The following GABRB3 variants were observed in gnomAD, a reference collection of about 807,000 sequenced individuals.
The protein encoded by GABRB3 is gamma-aminobutyric acid type A receptor subunit beta3.
A neutral mutation model predicts 52.1 loss-of-function variants in GABRB3; 14 were observed. The observed-to-expected ratio is 0.27, with a 90% CI of 0.18 to 0.42. GABRB3 has a LOEUF of 0.42. GABRB3 is among the 10% of genes least tolerant of loss of function. The pLI, the probability that GABRB3 is intolerant of heterozygous loss-of-function variation, is 1.00. For synonymous variants in GABRB3, 260 were observed against 232.3 expected, an observed-to-expected ratio of 1.12 and a Z score of -1.08; for missense variants, 307 against 609.1, an observed-to-expected ratio of 0.50 and a Z score of 5.22.
At chr15:26,724,142 C>T (rs775896870) in intron 3 of GABRB3, among the ~76,000 whole-genome samples, 9 of 152,196 alleles carry the variant, frequency 5.9e-5, no homozygotes, top group Non-Finnish European at 1.2e-4. Flanking sequence ...CAACACTCTT[C>T]TGCCAGGGAA....
chr15:26,701,885 G>C (rs1424816058), intron 3 of GABRB3, among the ~76,000 whole-genome samples: 1 of 152,168 alleles, frequency 6.6e-6, no homozygotes, highest in East Asian at 1.9e-4. Context: ...ACTATACATG[G>C]AGAGATCAAT....
chr15:26,691,366 T>C (rs1301865351), intron 3 of GABRB3, among the ~76,000 whole-genome samples: 2 of 152,042 alleles, frequency 1.3e-5, no homozygotes, highest in East Asian at 1.9e-4. Flanking sequence ...GCCTGAACAA[T>C]AGAAAGTAAA....
At chr15:26,631,268 A>G (rs148019455) in intron 3 of GABRB3, among the ~76,000 whole-genome samples, 2 of 152,378 alleles carry the variant, frequency 1.3e-5, no homozygotes, top group African/African-American at 4.8e-5. Flanking sequence ...CAGGCAGCTC[A>G]GATGAATTGC....
chr15:26,552,147 A>G (rs1889495970), intron 8 of GABRB3, among the ~76,000 whole-genome samples: 1 of 152,074 alleles, frequency 6.6e-6, no homozygotes, highest in South Asian at 2.1e-4. Context: ...AGCTGGGATT[A>G]CAGGCATGTG....
At chr15:26,670,170 A>G (rs747045300) in intron 3 of GABRB3, among the ~76,000 whole-genome samples, 16 of 152,154 alleles carry the variant, frequency 1.1e-4, no homozygotes, top group Non-Finnish European at 2.2e-4. Flanking sequence ...CTACGCCCCA[A>G]CGCGGGCTCA....
intron 3 of GABRB3, among the ~76,000 whole-genome samples, chr15:26,713,681 C>G (rs572377310): frequency 7.9e-4 from 121 of 152,328 alleles, no homozygotes; most frequent in African/African-American, 2.7e-3. Context: ...GGCCGCAACA[C>G]GCTGTTTCCA....
In GABRB3 at chr15:26,739,222, C is replaced by T. The variant is rs146912036; in HGVS notation, c.240+33180G>A. Among the ~76,000 whole-genome samples, 363 of 152,130 alleles carry T rather than the reference C, an allele frequency of 2.4e-3. 2 individuals are homozygous for T. Among genetic ancestry groups the T allele is most frequent in the African/African-American group, 8.3e-3 (346 of 41,526 alleles). On this transcript the variant is annotated intron_variant, in intron 3 of 8. Transcript: ENST00000311550. ...TGCTCCACTTGGCCGTCCTACATCA[C>T]ACTCAGTAAGGTCAGTGTCTACAGA... is the stretch of plus-strand genomic sequence containing the variant.
chr15:26,726,873 T>C (rs1478523744), intron 3 of GABRB3, among the ~76,000 whole-genome samples: 1 of 152,060 alleles, frequency 6.6e-6, no homozygotes, highest in African/African-American at 2.4e-5. Context: ...CTCATTAAAA[T>C]TTCACACCCA....
At chr15:26,620,570 A>T (rs1892445544) in intron 4 of GABRB3, among the ~76,000 whole-genome samples, 1 of 152,208 alleles carries the variant, frequency 6.6e-6, no homozygotes, top group African/African-American at 2.4e-5. Flanking sequence ...AGACACACAT[A>T]CACACAAAAT....
upstream of GABRB3, chr15:26,773,113 G>A: frequency 6.5e-6 from 5 of 771,154 alleles, no homozygotes; most frequent in South Asian, 5.7e-5. Context: ...AGGGGGAGGA[G>A]CGGGCGCTGG....
chr15:26,652,709 C>T (rs143873479), intron 3 of GABRB3, among the ~76,000 whole-genome samples: 41 of 152,196 alleles, frequency 2.7e-4, no homozygotes, highest in African/African-American at 9.6e-4. Context: ...TCAAAAACCA[C>T]GGGAAGATTT....
At chr15:26,696,718 G>A (rs545965872) in intron 3 of GABRB3, among the ~76,000 whole-genome samples, 1 of 152,192 alleles carries the variant, frequency 6.6e-6, no homozygotes, top group African/African-American at 2.4e-5. Flanking sequence ...TTGCCACGTC[G>A]ACCCATTCAC....
intron 3 of GABRB3, among the ~76,000 whole-genome samples, chr15:26,753,109 A>C (rs59345113): frequency 0.012 from 1,767 of 152,248 alleles, 27 homozygotes; most frequent in African/African-American, 0.041. Context: ...TTCTGAGCTA[A>C]CTTCTGAGCT....
intron 3 of GABRB3, among the ~76,000 whole-genome samples, chr15:26,672,379 G>A (rs1261829870): frequency 1.3e-5 from 2 of 152,024 alleles, no homozygotes; most frequent in Non-Finnish European, 2.9e-5. Context: ...GCCACCACAT[G>A]GCCCATCTGT....
chr15:26,622,100 C>T (rs187361664), intron 3 of GABRB3, among the ~76,000 whole-genome samples: 4 of 152,118 alleles, frequency 2.6e-5, no homozygotes, highest in African/African-American at 4.8e-5. Flanking sequence ...TCCAGCTTGC[C>T]GTGGCCATTT....
chr15:26,581,016 T>C (rs1869934265), intron 5 of GABRB3: 2 of 260,876 alleles, frequency 7.7e-6, no homozygotes, highest in South Asian at 9.5e-5. Flanking sequence ...GAAATGCCTG[T>C]TCTTGGGATA....
intron 3 of GABRB3, among the ~76,000 whole-genome samples, chr15:26,694,340 C>G (rs1888672505): frequency 6.6e-6 from 1 of 152,084 alleles, no homozygotes; most frequent in African/African-American, 2.4e-5. Flanking sequence ...AAACTGTGAC[C>G]TAATCACAGA....
intron 6 of GABRB3, among the ~76,000 whole-genome samples, chr15:26,579,464 G>C (rs1217908742): frequency 6.6e-6 from 1 of 152,214 alleles, no homozygotes; most frequent in Non-Finnish European, 1.5e-5. Context: ...CCATGGGTCA[G>C]GAGCATTCAA....
intron 3 of GABRB3, among the ~76,000 whole-genome samples, chr15:26,722,570 A>G (rs1410134257): frequency 6.6e-6 from 1 of 152,242 alleles, no homozygotes; most frequent in African/African-American, 2.4e-5. Flanking sequence ...ACTTTACGTT[A>G]ATATTCAGTC....
Sources: allele counts gnomAD v4.1 joint callset (sites outside exome capture counted in the v4.1 genomes callset), GRCh38; gene constraint gnomAD v4.1.1; transcripts MANE v1.5; gene names NCBI Gene and HGNC (gene_info 2026-07-23, HGNC 2026-07-21).